Variants in PHACTR2 observed in about 807,000 individuals in gnomAD.
PHACTR2 encodes the protein chromosome 6 open reading frame 56.
PHACTR2 carries 30 observed loss-of-function variants against 76.0 expected under a neutral mutation model. That is an observed-to-expected ratio of 0.39 (90% CI 0.30 to 0.54). The LOEUF (loss-of-function observed/expected upper bound fraction) is 0.54, where lower values mean the gene tolerates loss of function less well. Ranked by LOEUF, PHACTR2 falls within the 20% of genes least tolerant of loss-of-function variation. The probability of loss-of-function intolerance (pLI) is 0.61; values close to 1 mark genes in which losing one functional copy is unlikely to be tolerated. For synonymous variants in PHACTR2, 292 were observed against 292.5 expected (o/e 1.00, Z 0.02); for missense variants, 696 against 781.1 (o/e 0.89, Z 1.30).
intron 1 of PHACTR2, among the ~76,000 whole-genome samples, chr6:143,568,076 T>C (rs1775387451): frequency 1.3e-5 from 2 of 152,206 alleles, no homozygotes; most frequent in African/African-American, 4.8e-5. Flanking sequence ...TTTCTGTTGT[T>C]ACATATTTTC....
chr6:143,640,566 G>T (rs1257847273), intron 1 of PHACTR2, among the ~76,000 whole-genome samples: 2 of 152,128 alleles, frequency 1.3e-5, no homozygotes, highest in Admixed American at 1.3e-4. Flanking sequence ...GCCTACAAAA[G>T]GTCAATGGGT....
chr6:143,620,392 G>C (rs908801810), intron 1 of PHACTR2, among the ~76,000 whole-genome samples: 2 of 150,260 alleles, frequency 1.3e-5, no homozygotes, highest in Admixed American at 6.6e-5. Context: ...TCATGTCCCA[G>C]AAAATTATGT....
intron 3 of PHACTR2, among the ~76,000 whole-genome samples, chr6:143,752,582 C>T (rs949636426): frequency 1.3e-5 from 2 of 152,040 alleles, no homozygotes; most frequent in South Asian, 4.1e-4. Flanking sequence ...GACTAAGCAA[C>T]GATTGCTTTT....
At chr6:143,579,669 T>C (rs893792732) in intron 1 of PHACTR2, among the ~76,000 whole-genome samples, 8 of 152,094 alleles carry the variant, frequency 5.3e-5, no homozygotes, top group African/African-American at 1.9e-4. Flanking sequence ...CTTCTGCAGA[T>C]GGTGGCCTGG....
At chr6:143,638,040 A>G (rs1227270766) in intron 1 of PHACTR2, among the ~76,000 whole-genome samples, 1 of 152,246 alleles carries the variant, frequency 6.6e-6, no homozygotes, top group Non-Finnish European at 1.5e-5. Flanking sequence ...AACAAAAGCA[A>G]TAGCATTTCT....
rs1486546732 is a variant in PHACTR2, at chr6:143,791,502, G to A, written c.1845+2592G>A. ...GTCTGGGATGTGGCCTTCATATTGGGATTTTTAGTAATTATAAATATCTCA... is the reference window on the plus strand; with the variant it reads ...GTCTGGGATGTGGCCTTCATATTGGAATTTTTAGTAATTATAAATATCTCA... On this transcript the variant is annotated intron_variant, in intron 11 of 12. Transcript: ENST00000440869. This position sits in a 1 kb window ranked among gnomAD's most constrained non-coding sequence, Gnocchi z 4.7. Among the ~76,000 whole-genome samples, 4 of 152,146 alleles carry A rather than the reference G, an allele frequency of 2.6e-5. No homozygotes were observed. The highest frequency in any genetic ancestry group is 5.9e-5 in the Non-Finnish European group (4 of 68,016).
Position 143,662,874 on chromosome 6 carries a change from C to G in PHACTR2, c.14-49142C>G, listed in dbSNP as rs991599692. Among the ~76,000 whole-genome samples, 1 of 152,188 alleles carries G rather than the reference C, an allele frequency of 6.6e-6. No individual in the cohort carries two copies. Among genetic ancestry groups the G allele is most frequent in the African/African-American group, 2.4e-5 (1 of 41,524 alleles). Reference sequence around the variant, plus strand: ...TTCAACCCACATTCTTCTCCTTTCCCCCTATAGTACACAGTGTCTATTGTT... The same window carrying G: ...TTCAACCCACATTCTTCTCCTTTCCGCCTATAGTACACAGTGTCTATTGTT... On this transcript the variant is annotated intron_variant, in intron 1 of 11. Coordinates refer to the PHACTR2 transcript ENST00000305766. The surrounding 1 kb of genome is among the most constrained non-coding windows in gnomAD (Gnocchi z 4.7).
At position 143,795,000 on chromosome 6, in the gene PHACTR2, TGTG is replaced by T. The variant is rs1775793447; in HGVS notation, c.1845+6095_1845+6097del. ...GTGAAGGAGGAAGGCCCTTGCTGGT[TGTG>T]GTGGGGAATCTCCGGAATCTGGTAG... On this transcript the variant is annotated intron_variant, in intron 11 of 12. Coordinates refer to ENST00000440869, the MANE Select transcript of PHACTR2 (RefSeq NM_001100164.2). This position sits in a 1 kb window ranked among gnomAD's most constrained non-coding sequence, Gnocchi z 4.1. Among the ~76,000 whole-genome samples the T allele has an allele frequency of 1.3e-5, 2 of 152,268 alleles. No homozygotes were observed. The highest frequency in any genetic ancestry group is 4.8e-5 in the African/African-American group (2 of 41,556).
At chr6:143,661,874 C>A (rs1434210143) in intron 1 of PHACTR2, among the ~76,000 whole-genome samples, 1 of 152,058 alleles carries the variant, frequency 6.6e-6, no homozygotes, top group East Asian at 1.9e-4. Context: ...TTCCCTTGTG[C>A]ATTCTCAAAA....
Position 143,662,613 on chromosome 6 carries a change from C to A in PHACTR2, c.14-49403C>A, listed in dbSNP as rs895565629. ...ATGCATCTGTATTTTTCCCTGAATG[C>A]AAAACAGTAATATTTAAATTCACCT... On this transcript the variant is annotated intron_variant, in intron 1 of 11. Transcript: ENST00000305766. This position sits in a 1 kb window ranked among gnomAD's most constrained non-coding sequence, Gnocchi z 4.7. 1.3e-5 allele frequency among the ~76,000 whole-genome samples: 2 copies of A among 152,062 alleles called. No individual in the cohort carries two copies. The highest frequency in any genetic ancestry group is 2.9e-5 in the Non-Finnish European group (2 of 68,028).
chr6:143,626,396 G>T (rs1451723194), intron 1 of PHACTR2, among the ~76,000 whole-genome samples: 3 of 152,036 alleles, frequency 2.0e-5, no homozygotes, highest in African/African-American at 7.3e-5. Context: ...AATTAGCCGG[G>T]CGCGGTGGTG....
chr6:143,717,457 T>C (rs9484799), intron 2 of PHACTR2, among the ~76,000 whole-genome samples: 8,774 of 152,276 alleles, frequency 0.058, 540 homozygotes, highest in African/African-American at 0.15. Context: ...GCACTTCACA[T>C]AGGTTCTTTA....
chr6:143,712,745 G>A (rs1186864288), intron 2 of PHACTR2, among the ~76,000 whole-genome samples: 1 of 152,068 alleles, frequency 6.6e-6, no homozygotes, highest in Non-Finnish European at 1.5e-5. Context: ...TTTGATTTTA[G>A]ATTTCTATCA....
rs913554059 is a variant in PHACTR2, at chr6:143,539,381, T to A, written c.217+2174T>A. On this transcript the variant is annotated intron_variant, in intron 1 of 11. Coordinates refer to the PHACTR2 transcript ENST00000367584. The surrounding 1 kb of genome is among the most constrained non-coding windows in gnomAD (Gnocchi z 4.3). The stretch of plus-strand genomic sequence containing the variant: ...GATCCCTTTAAGAGCAGACTAAATG[T>A]GATCAGGAGCTCCCTGCTCTTAGAG... Among the ~76,000 whole-genome samples the A allele has an allele frequency of 6.6e-6, 1 of 152,210 alleles. No individual in the cohort carries two copies. Among genetic ancestry groups the A allele is most frequent in the African/African-American group, 2.4e-5 (1 of 41,446 alleles).
At chr6:143,555,670 C>A (rs1392542977) in intron 1 of PHACTR2, among the ~76,000 whole-genome samples, 1 of 151,808 alleles carries the variant, frequency 6.6e-6, no homozygotes, top group African/African-American at 2.4e-5. Context: ...TAAAATATAC[C>A]CCCACCCTAG....
At chr6:143,711,453 A>T (rs970793323) in intron 1 of PHACTR2, among the ~76,000 whole-genome samples, 1 of 152,232 alleles carries the variant, frequency 6.6e-6, no homozygotes, top group Non-Finnish European at 1.5e-5. Flanking sequence ...AATTTTCCAC[A>T]TATTTCTTGT....
In PHACTR2 at chr6:143,774,327, C is replaced by A; in HGVS notation, c.1589+112C>A. The stretch of plus-strand genomic sequence containing the variant: ...TTCCTTATGTACAGATACATCTGGC[C>A]TACTGGGTCTTTTAAAGTTGGTCTT... On this transcript the variant is annotated intron_variant, in intron 8 of 12. Coordinates refer to ENST00000440869, the MANE Select transcript of PHACTR2 (RefSeq NM_001100164.2). The surrounding 1 kb of genome is among the most constrained non-coding windows in gnomAD (Gnocchi z 5.4). The A allele has an allele frequency of 1.4e-6, 1 of 726,658 alleles. No homozygotes were observed. Among genetic ancestry groups the A allele is most frequent in the Non-Finnish European group, 2.2e-6 (1 of 463,996 alleles). The allele number at this position is 726,658 out of a possible 1,614,324, so 45.0% of individuals were successfully genotyped here.
chr6:143,792,044 G>T (rs1775703279), intron 11 of PHACTR2, among the ~76,000 whole-genome samples: 1 of 152,008 alleles, frequency 6.6e-6, no homozygotes, highest in Non-Finnish European at 1.5e-5. Context: ...TATGCCATTT[G>T]GTCCCCAATT....
In PHACTR2 at chr6:143,803,162, G is replaced by A. The variant is rs1775995574; in HGVS notation, c.1846-3895G>A. On this transcript the variant is annotated intron_variant, in intron 11 of 12. Coordinates refer to ENST00000440869, the MANE Select transcript of PHACTR2 (RefSeq NM_001100164.2). The surrounding 1 kb of genome is among the most constrained non-coding windows in gnomAD (Gnocchi z 4.7). ...TCATTTAACCCTCATCCTGTTTAGA[G>A]AAAGAAAGTGCACCTCGCTGCCAGT... is the stretch of plus-strand genomic sequence containing the variant. Among the ~76,000 whole-genome samples, 1 of 152,144 alleles carries A rather than the reference G, an allele frequency of 6.6e-6. No individual in the cohort carries two copies. Among genetic ancestry groups the A allele is most frequent in the Admixed American group, 6.5e-5 (1 of 15,270 alleles).
Sources: allele counts gnomAD v4.1 joint callset (sites outside exome capture counted in the v4.1 genomes callset), GRCh38; gene constraint gnomAD v4.1.1; non-coding constraint Gnocchi (gnomAD v3.1); transcripts MANE v1.5; gene names NCBI Gene and HGNC (gene_info 2026-07-23, HGNC 2026-07-21).